ADAMTS19: variants seen among roughly 807,000 people sequenced by gnomAD.
ADAMTS19 encodes A disintegrin and metalloproteinase with thrombospondin motifs 19.
Under a neutral mutation model 153.3 loss-of-function variants are expected in ADAMTS19, and 93 were observed. The observed-to-expected ratio is 0.61, with a 90% confidence interval of 0.51 to 0.72. The LOEUF is 0.72. Ranked by LOEUF, ADAMTS19 falls within the 30% of genes least tolerant of loss-of-function variation. ADAMTS19 has a pLI of 0.00. For synonymous variants in ADAMTS19, 600 were observed against 556.6 expected (o/e 1.08, Z -1.10); for missense variants, 1,482 against 1,552.1 (o/e 0.95, Z 0.76).
In ADAMTS19 at chr5:129,671,532, A is replaced by G. The variant is rs184467122; in HGVS notation, c.2506+5953A>G. Among the ~76,000 whole-genome samples the G allele has an allele frequency of 6.0e-4, 92 of 152,336 alleles. 1 individual carries two copies. In the East Asian group the frequency reaches 0.013, roughly 22 times the overall value. On this transcript the variant is annotated intron_variant, in intron 16 of 22. Transcript: ENST00000274487. ...GAAATATTCATCTTGAAATAGCTTT[A>G]GCAAAAAGAAAAGAAAATAGAACCT...
chr5:129,632,366 GATATA>G (rs1377138493), intron 10 of ADAMTS19, among the ~76,000 whole-genome samples: 1 of 151,632 alleles, frequency 6.6e-6, no homozygotes, highest in Admixed American at 6.6e-5. Flanking sequence ...TATAGATATA[GATATA>G]ATATAGCATC....
At chr5:129,712,595 T>A (rs1340148429) in intron 21 of ADAMTS19, among the ~76,000 whole-genome samples, 4 of 152,184 alleles carry the variant, frequency 2.6e-5, no homozygotes, top group Non-Finnish European at 5.9e-5. Flanking sequence ...TTTTTTGCAT[T>A]GCTGTTATTT....
chr5:129,589,443 T>C (rs1408340258), intron 7 of ADAMTS19, among the ~76,000 whole-genome samples: 1 of 152,084 alleles, frequency 6.6e-6, no homozygotes, highest in East Asian at 1.9e-4. Context: ...GTATAACGGA[T>C]ATATATGTAT....
chr5:129,689,543 G>A (rs1301239488), intron 18 of ADAMTS19, among the ~76,000 whole-genome samples: 2 of 152,044 alleles, frequency 1.3e-5, no homozygotes, highest in Admixed American at 1.3e-4. Flanking sequence ...TCCTGCCTCA[G>A]CCTCCCAAGT....
intron 10 of ADAMTS19, among the ~76,000 whole-genome samples, chr5:129,630,518 A>T (rs761357399): frequency 1.3e-4 from 20 of 152,106 alleles, no homozygotes; most frequent in Admixed American, 6.6e-5. Flanking sequence ...GGTAAATAAA[A>T]GCTTTTCAAC....
chr5:129,576,188 T>A (rs562027558), intron 7 of ADAMTS19, among the ~76,000 whole-genome samples: 1 of 152,184 alleles, frequency 6.6e-6, no homozygotes, highest in South Asian at 2.1e-4. Flanking sequence ...AAGAGCAGAA[T>A]TTAGAAATCA....
At chr5:129,596,694 T>A (rs201517336) in intron 8 of ADAMTS19, 30 bp downstream of exon 8, 1 of 1,451,838 alleles carries the variant, frequency 6.9e-7, no homozygotes, top group Admixed American at 1.8e-5. Context: ...ATGTTAAATA[T>A]GTTAGCATAT....
rs747075161 is a variant in ADAMTS19, at chr5:129,608,090, ATG to A, written c.1478+11452_1478+11453del. 3.9e-4 allele frequency among the ~76,000 whole-genome samples: 41 copies of A among 104,502 alleles called. 3 individuals are homozygous for A. The highest frequency in any genetic ancestry group is 1.5e-3 in the African/African-American group (38 of 25,640). The allele number at this position is 104,502 out of a possible 152,430, so 68.6% of individuals were successfully genotyped here. ...ATTATATAATTGGAATTTTATATAT[ATG>A]TGTGTGTGTGTGTGTGTGTGTGTGT... On this transcript the variant is annotated intron_variant, in intron 8 of 22. Transcript: ENST00000274487.
chr5:129,671,092 T>C (rs1033520724), intron 16 of ADAMTS19, among the ~76,000 whole-genome samples: 1 of 152,190 alleles, frequency 6.6e-6, no homozygotes, highest in African/African-American at 2.4e-5. Flanking sequence ...CAAAAACACA[T>C]TTCCTTACTT....
At chr5:129,604,913 A>G (rs892316400) in intron 8 of ADAMTS19, among the ~76,000 whole-genome samples, 3 of 152,138 alleles carry the variant, frequency 2.0e-5, no homozygotes, top group African/African-American at 7.2e-5. Flanking sequence ...TATGACAGTA[A>G]ATGAAGCTCC....
intron 13 of ADAMTS19, among the ~76,000 whole-genome samples, chr5:129,653,592 G>A (rs888214504): frequency 2.0e-5 from 3 of 152,166 alleles, no homozygotes; most frequent in Non-Finnish European, 4.4e-5. Flanking sequence ...TAGTGAAGGG[G>A]ACAGAGTTCT....
At chr5:129,529,177 GTAAA>G (rs1389637726) in intron 6 of ADAMTS19, among the ~76,000 whole-genome samples, 1 of 151,996 alleles carries the variant, frequency 6.6e-6, no homozygotes, top group Non-Finnish European at 1.5e-5. Flanking sequence ...AGTATAATAT[GTAAA>G]TAAATGTAAG....
At chr5:129,625,911 C>T (rs1581161005) in intron 10 of ADAMTS19, among the ~76,000 whole-genome samples, 1 of 152,110 alleles carries the variant, frequency 6.6e-6, no homozygotes, top group Non-Finnish European at 1.5e-5. Flanking sequence ...GTCCTGAAGT[C>T]CTTGCCCATG....
chr5:129,664,341 T>C (rs1004238070), intron 15 of ADAMTS19, among the ~76,000 whole-genome samples: 2 of 152,212 alleles, frequency 1.3e-5, no homozygotes, highest in Non-Finnish European at 2.9e-5. Context: ...TGTGTGCAAA[T>C]AGCCATTATG....
At chr5:129,678,479 T>C (rs1191296773) in intron 16 of ADAMTS19, among the ~76,000 whole-genome samples, 1 of 152,104 alleles carries the variant, frequency 6.6e-6, no homozygotes, top group Non-Finnish European at 1.5e-5. Flanking sequence ...CATATACATG[T>C]TGTTCATTTT....
intron 21 of ADAMTS19, among the ~76,000 whole-genome samples, chr5:129,706,008 A>G (rs1267377993): frequency 1.3e-5 from 2 of 152,132 alleles, no homozygotes; most frequent in Admixed American, 1.3e-4. Flanking sequence ...TTTTGGTTAC[A>G]TGGATAAGTT....
At chr5:129,667,527 T>G (rs1754108150) in intron 16 of ADAMTS19, among the ~76,000 whole-genome samples, 1 of 152,106 alleles carries the variant, frequency 6.6e-6, no homozygotes, top group Non-Finnish European at 1.5e-5. Context: ...CACCATCCTC[T>G]TGGTGCTGTC....
intron 19 of ADAMTS19, 149 bp downstream of exon 19, chr5:129,695,004 T>C: frequency 1.9e-6 from 2 of 1,071,860 alleles, no homozygotes; most frequent in Non-Finnish European, 2.5e-6. Flanking sequence ...ATAAGCAAGA[T>C]CTAAGAAAGC....
chr5:129,619,559 G>A (rs904351909), intron 8 of ADAMTS19, among the ~76,000 whole-genome samples: 3 of 152,006 alleles, frequency 2.0e-5, no homozygotes, highest in African/African-American at 7.2e-5. Flanking sequence ...GCTGGAAATT[G>A]TCTTATGGAT....
Sources: allele counts gnomAD v4.1 joint callset (sites outside exome capture counted in the v4.1 genomes callset), GRCh38; gene constraint gnomAD v4.1.1; transcripts MANE v1.5; gene names NCBI Gene and HGNC (gene_info 2026-07-23, HGNC 2026-07-21).